Variants in PKLR observed in about 807,000 individuals in gnomAD.
PKLR encodes pyruvate kinase L/R.
A neutral mutation model predicts 53.6 loss-of-function variants in PKLR; 38 were observed. The ratio of observed to expected loss-of-function variants is 0.71; its 90% confidence interval spans 0.55 to 0.93. The LOEUF (loss-of-function observed/expected upper bound fraction) is 0.93, where lower values mean the gene tolerates loss of function less well. Among genes scored for constraint, PKLR ranks in the 40% least tolerant of loss-of-function variants. The pLI, the probability that PKLR is intolerant of heterozygous loss-of-function variation, is 0.00. For synonymous variants in PKLR, 328 were observed against 316.2 expected, an observed-to-expected ratio of 1.04 and a Z score of -0.39; for missense variants, 702 against 787.3, an observed-to-expected ratio of 0.89 and a Z score of 1.30.
At chr1:155,299,010 CTTT>C (rs775391112) in intron 2 of PKLR, among the ~76,000 whole-genome samples, 2,118 of 102,028 alleles carry the variant, frequency 0.021, 53 homozygotes, top group African/African-American at 0.027. Flanking sequence ...TTCTTTCTTT[CTTT>C]CTTTCTTTCT....
Position 155,295,675 on chromosome 1 carries a change from C to T in PKLR, c.365G>A (p.Gly122Asp). The T allele has an allele frequency of 6.2e-7, 1 of 1,614,076 alleles. No homozygotes were observed. Among genetic ancestry groups the T allele is most frequent in the East Asian group, 2.2e-5 (1 of 44,874 alleles). Reference sequence around the variant, plus strand: ...CGGCCCGTCCCGCACCTCGTGGGAGCCGTGGGAGAAGTTGAGTCGCGCAAT... The same window carrying T: ...CGGCCCGTCCCGCACCTCGTGGGAGTCGTGGGAGAAGTTGAGTCGCGCAAT... ...MNIARLNFSH[G>D]SHEYHAESIA... is the part of the protein sequence containing the mutation. Residue 122 changes from glycine (G) to aspartate (D), a missense_variant, in exon 3 of 11, where the codon GGC (glycine) becomes GAC (aspartate). Transcript: ENST00000342741. The surrounding 1 kb of genome is among the most constrained non-coding windows in gnomAD (Gnocchi z 4.3).
In PKLR at chr1:155,290,282, C is replaced by A; in HGVS notation, c.*290G>T. The stretch of plus-strand genomic sequence containing the variant: ...ATTAAAGACTCAAGGCATCTTAGGG[C>A]CTGCTGAGCAGATTGGATGCAGGGA... On this transcript the variant is annotated 3_prime_UTR_variant, in exon 11 of 11. Transcript: ENST00000342741. 2.1e-6 allele frequency: 1 copy of A among 467,280 alleles called. No individual in the cohort carries two copies. The highest frequency in any genetic ancestry group is 3.9e-6 in the Non-Finnish European group (1 of 255,590). The allele number at this position is 467,280 out of a possible 1,614,324, so 28.9% of individuals were successfully genotyped here. A position where few individuals can be genotyped will look rare whatever the true frequency, so the allele number is the denominator to read the frequency against.
At position 155,293,597 on chromosome 1, in the gene PKLR, G is replaced by C. The variant is rs748106839; in HGVS notation, c.1117-7C>G. 6 of 1,613,996 alleles carry C rather than the reference G, an allele frequency of 3.7e-6. No individual in the cohort carries two copies. The highest frequency in any genetic ancestry group is 4.5e-5 in the East Asian group (2 of 44,894). Reference sequence around the variant, plus strand: ...TAATCATGCTCTCCAGCATCTGGGGGACAGCGTGGATGTCAAAGTTGTAGG... The same window carrying C: ...TAATCATGCTCTCCAGCATCTGGGGCACAGCGTGGATGTCAAAGTTGTAGG... On this transcript the variant is annotated splice_polypyrimidine_tract_variant and splice_region_variant and intron_variant, in intron 7 of 10. Transcript: ENST00000342741. The surrounding 1 kb of genome is among the most constrained non-coding windows in gnomAD (Gnocchi z 4.2).
Position 155,290,763 on chromosome 1 carries a change from A to C in PKLR, c.1619-85T>G, listed in dbSNP as rs1674496228. 23 of 820,338 alleles carry C rather than the reference A, an allele frequency of 2.8e-5. No individual in the cohort carries two copies. In the South Asian group the frequency reaches 3.0e-4, roughly 11 times the overall value. The allele number at this position is 820,338 out of a possible 1,614,324, so 50.8% of individuals were successfully genotyped here. On this transcript the variant is annotated intron_variant, in intron 10 of 10. Coordinates refer to ENST00000342741, the MANE Select transcript of PKLR (RefSeq NM_000298.6). The stretch of plus-strand genomic sequence containing the variant: ...CATCACTTTGGGAAGCCAAGGCAGG[A>C]GGATCACCTGAGGTCAGGAGTTTGA...
In PKLR at chr1:155,293,158, T is replaced by G; in HGVS notation, c.1436+19A>C. ...CCTGACCCAAAGCTCCATCTGGACA[T>G]TCCCAATATCCCCCTCACCGGCCAG... On this transcript the variant is annotated intron_variant, in intron 9 of 10. Transcript: ENST00000342741. The surrounding 1 kb of genome is among the most constrained non-coding windows in gnomAD (Gnocchi z 4.2). 2.8e-6 allele frequency: 3 copies of G among 1,067,486 alleles called. No individual in the cohort carries two copies. Among genetic ancestry groups the G allele is most frequent in the Non-Finnish European group, 4.1e-6 (3 of 739,502 alleles). 66.1% of individuals were successfully genotyped at this position (1,067,486 alleles called of 1,614,324 possible).
At position 155,300,099 on chromosome 1, in the gene PKLR, G is replaced by A. The variant is rs147391950; in HGVS notation, c.282C>T (p.Ile94=). Residue 94 remains isoleucine, a splice_region_variant and synonymous_variant, in exon 2 of 11, where the codon ATC becomes ATT. Coordinates refer to ENST00000342741, the MANE Select transcript of PKLR (RefSeq NM_000298.6). ...AARSTSIIAT[I]GPASRSVERL... ...CTGCAGGGGGATGGGAGTGCTTACC[G>A]ATGGTGGCAATGATGCTGGTACTGC... 43 of 1,613,462 alleles carry A rather than the reference G, an allele frequency of 2.7e-5. No individual in the cohort carries two copies. In the Admixed American group the frequency reaches 3.5e-4, roughly 13 times the overall value.
upstream of PKLR, among the ~76,000 whole-genome samples, chr1:155,305,280 G>A (rs1385166597): frequency 6.6e-6 from 1 of 152,154 alleles, no homozygotes; most frequent in Non-Finnish European, 1.5e-5. Flanking sequence ...GAATACACTT[G>A]TCTGATGCAA....
intron 1 of PKLR, chr1:155,300,971 C>G (rs919336769): frequency 1.9e-6 from 3 of 1,568,086 alleles, no homozygotes; most frequent in Non-Finnish European, 1.7e-6. Flanking sequence ...CCCAGCTGGG[C>G]TGGGGATCAG....
At chr1:155,291,658 A>G (rs1035778897) in intron 10 of PKLR, 98 bp downstream of exon 10, 1 of 1,050,740 alleles carries the variant, frequency 9.5e-7, no homozygotes, top group Non-Finnish European at 1.5e-6. Flanking sequence ...CTGGGACCAC[A>G]GGAGAGAGGC....
At chr1:155,307,040 G>A in the PKLR span, among the ~76,000 whole-genome samples, 3 of 152,202 alleles carry the variant, frequency 2.0e-5, no homozygotes, top group South Asian at 4.1e-4. Context: ...TCAGCTTCTC[G>A]AGTAGCTGGC....
At chr1:155,301,238 C>G (rs1039992485) in intron 1 of PKLR, 58 bp downstream of exon 1, 4 of 1,595,038 alleles carry the variant, frequency 2.5e-6, no homozygotes, top group Non-Finnish European at 3.4e-6. Context: ...CACCCTGGCT[C>G]CTAGTTTTCA....
At position 155,293,417 on chromosome 1, in the gene PKLR, C is replaced by T. The variant is rs766600646; in HGVS notation, c.1269+21G>A. ...GGGATTTGGTTCCCTGGCCCATTTG[C>T]TTTTCATTCTGAGCTCCTACCGCAT... On this transcript the variant is annotated intron_variant, in intron 8 of 10. Coordinates refer to ENST00000342741, the MANE Select transcript of PKLR (RefSeq NM_000298.6). This position sits in a 1 kb window ranked among gnomAD's most constrained non-coding sequence, Gnocchi z 4.2. 6 of 1,614,236 alleles carry T rather than the reference C, an allele frequency of 3.7e-6. No homozygotes were observed. The highest frequency in any genetic ancestry group is 5.1e-6 in the Non-Finnish European group (6 of 1,180,034).
chr1:155,306,798 G>C, the PKLR span, among the ~76,000 whole-genome samples: 17 of 152,164 alleles, frequency 1.1e-4, no homozygotes, highest in Non-Finnish European at 2.1e-4. The surrounding 1 kb of genome is among the most constrained non-coding windows in gnomAD (Gnocchi z 4.2). Flanking sequence ...GTTCTTAAAG[G>C]TGGTGTGTCC....
chr1:155,303,242 C>T (rs1648128255), upstream of PKLR, among the ~76,000 whole-genome samples: 1 of 152,242 alleles, frequency 6.6e-6, no homozygotes, highest in South Asian at 2.1e-4. Flanking sequence ...TGGTTTGGGG[C>T]ATCCTTTGTG....
At position 155,295,404 on chromosome 1, in the gene PKLR, C is replaced by T. The variant is rs1647521890; in HGVS notation, c.507+33G>A. 3.7e-6 allele frequency: 6 copies of T among 1,612,124 alleles called. No homozygotes were observed. The highest frequency in any genetic ancestry group is 5.1e-6 in the Non-Finnish European group (6 of 1,179,252). ...ACCCTACAGGCGCCGCCTTTCCGGC[C>T]CTGGCCCAGCGAGTCCCAGCCCCAC... is the stretch of plus-strand genomic sequence containing the variant. On this transcript the variant is annotated intron_variant, in intron 4 of 10. Coordinates refer to ENST00000342741, the MANE Select transcript of PKLR (RefSeq NM_000298.6). The surrounding 1 kb of genome is among the most constrained non-coding windows in gnomAD (Gnocchi z 4.3).
rs889961104 is a variant in PKLR at position 155,293,161 on chromosome 1, C to G, written c.1436+16G>C. 4.3e-6 allele frequency: 7 copies of G among 1,613,370 alleles called. No individual in the cohort carries two copies. Among genetic ancestry groups the G allele is most frequent in the Non-Finnish European group, 5.9e-6 (7 of 1,179,424 alleles). The stretch of plus-strand genomic sequence containing the variant: ...GACCCAAAGCTCCATCTGGACATTC[C>G]CAATATCCCCCTCACCGGCCAGTTG... On this transcript the variant is annotated intron_variant, in intron 9 of 10. Transcript: ENST00000342741. The surrounding 1 kb of genome is among the most constrained non-coding windows in gnomAD (Gnocchi z 4.2).
intron 2 of PKLR, among the ~76,000 whole-genome samples, chr1:155,299,754 C>A (rs1647877831): frequency 6.6e-6 from 1 of 151,992 alleles, no homozygotes; most frequent in Non-Finnish European, 1.5e-5. Flanking sequence ...GATCTGCCCA[C>A]CTGGGCCTCC....
In PKLR at chr1:155,294,669, C is replaced by G. The variant is rs140575553; in HGVS notation, c.778G>C (p.Asp260His). 6.2e-7 allele frequency: 1 copy of G among 1,614,124 alleles called. No homozygotes were observed. Among genetic ancestry groups the G allele is most frequent in the Non-Finnish European group, 8.5e-7 (1 of 1,180,018 alleles). ...KGVNLPGAQV[D>H]LPGLSEQDVR... is the part of the protein sequence containing the mutation. ...TCCTGCTCGGACAGCCCGGGCAAGT[C>G]CACCTGGGCCCCTGGCAAGTTCACG... The change falls in exon 6 of 11, where the codon GAC becomes CAC. Residue 260 changes from aspartate to histidine, a missense_variant. Asp to His is a moderately conservative substitution (Grantham distance 81). This residue lies in a region of PKLR where 519 missense variants were observed against 537.1 expected (regional missense o/e 0.97). Transcript: ENST00000342741.
At chr1:155,304,419 A>G (rs1253298048), upstream of PKLR, among the ~76,000 whole-genome samples, 2 of 137,570 alleles carry the variant, frequency 1.5e-5, no homozygotes, top group Non-Finnish European at 3.1e-5. Flanking sequence ...GGGCAACAAG[A>G]GCAAAACTGC....
Sources: allele counts gnomAD v4.1 joint callset (sites outside exome capture counted in the v4.1 genomes callset), GRCh38; gene constraint gnomAD v4.1.1; regional missense constraint gnomAD v4.1.1; non-coding constraint Gnocchi (gnomAD v3.1); transcripts MANE v1.5; gene names NCBI Gene and HGNC (gene_info 2026-07-23, HGNC 2026-07-21).